Variants in TCF7L1 observed in about 807,000 individuals in gnomAD.
TCF7L1 encodes the protein transcription factor 7 like 1.
In TCF7L1, 18 loss-of-function variants were observed where a neutral mutation model predicts 63.7. The ratio of observed to expected loss-of-function variants is 0.28; its 90% CI spans 0.20 to 0.42. The LOEUF (loss-of-function observed/expected upper bound fraction) is 0.42. Ranked by LOEUF, TCF7L1 falls within the 10% of genes least tolerant of loss-of-function variation. The pLI is 1.00. For missense variants in TCF7L1, 654 were observed against 779.3 expected, an observed-to-expected ratio of 0.84 and a Z score of 1.91; for synonymous variants, 355 against 340.9, an observed-to-expected ratio of 1.04 and a Z score of -0.46.
At chr2:85,192,143 T>A (rs940825943) in intron 3 of TCF7L1, among the ~76,000 whole-genome samples, 6 of 152,214 alleles carry the variant, frequency 3.9e-5, no homozygotes, top group Non-Finnish European at 1.5e-5. Flanking sequence ...TGGTCTCCAT[T>A]CAGAGGTCTG....
intron 3 of TCF7L1, among the ~76,000 whole-genome samples, chr2:85,217,386 G>A (rs1679733684): frequency 6.6e-6 from 1 of 152,104 alleles, no homozygotes; most frequent in Non-Finnish European, 1.5e-5. Flanking sequence ...AATTTCCAAG[G>A]TCTTTGTTTA....
chr2:85,238,805 A>C (rs1325355959), intron 3 of TCF7L1, among the ~76,000 whole-genome samples: 1 of 149,424 alleles, frequency 6.7e-6, no homozygotes, highest in Non-Finnish European at 1.5e-5. Context: ...TTATTTATTT[A>C]TTTATTTATT....
chr2:85,247,298 A>G (rs1010381009), intron 3 of TCF7L1, among the ~76,000 whole-genome samples: 1 of 152,208 alleles, frequency 6.6e-6, no homozygotes, highest in African/African-American at 2.4e-5. Context: ...TATGCATCCT[A>G]TTTCAGAAGG....
At chr2:85,247,427 T>C (rs1680491873) in intron 3 of TCF7L1, among the ~76,000 whole-genome samples, 1 of 152,226 alleles carries the variant, frequency 6.6e-6, no homozygotes, top group African/African-American at 2.4e-5. Context: ...CAATCCCTTA[T>C]AAGAAGGAAT....
intron 3 of TCF7L1, among the ~76,000 whole-genome samples, chr2:85,194,232 G>A (rs972552244): frequency 2.6e-5 from 4 of 152,100 alleles, no homozygotes; most frequent in Admixed American, 6.6e-5. Context: ...GCATTGCCAA[G>A]TTGGAATTAC....
chr2:85,309,152 T>G lies in TCF7L1; in HGVS notation c.1457T>G (p.Leu486Trp), dbSNP rs1311922858. 1 of 1,613,042 alleles carries G rather than the reference T, an allele frequency of 6.2e-7. No individual in the cohort carries two copies. The highest frequency in any genetic ancestry group is 1.3e-5 in the African/African-American group (1 of 74,478). ...TCCCCGGCCACTCCCTCTGCAGCTTTGGCCTCACCAGCTGCCCCTGCTGCC... is the reference window on the plus strand; with the variant it reads ...TCCCCGGCCACTCCCTCTGCAGCTTGGGCCTCACCAGCTGCCCCTGCTGCC... ...LDSPATPSAA[L>W]ASPAAPAATH... The change falls in exon 12 of 12, where the codon TTG becomes TGG. Residue 486 changes from leucine to tryptophan, a missense_variant. Leu to Trp is a moderately conservative substitution (Grantham distance 61). Coordinates refer to ENST00000282111, the MANE Select transcript of TCF7L1 (RefSeq NM_031283.3).
Position 85,305,418 on chromosome 2 carries a change from G to C in TCF7L1, c.989+15G>C. The C allele has an allele frequency of 6.3e-7, 1 of 1,597,264 alleles. No homozygotes were observed. Among genetic ancestry groups the C allele is most frequent in the Non-Finnish European group, 8.5e-7 (1 of 1,171,106 alleles). ...GCAGTGAGCGTGTAAGTAAGCGGCAGCCTGGATTCAGGTGGGAGGGTGCAG... is the reference window on the plus strand; with the variant it reads ...GCAGTGAGCGTGTAAGTAAGCGGCACCCTGGATTCAGGTGGGAGGGTGCAG... On this transcript the variant is annotated intron_variant, in intron 8 of 11. Transcript: ENST00000282111.
chr2:85,199,116 C>A (rs1178624501), intron 3 of TCF7L1, among the ~76,000 whole-genome samples: 1 of 152,206 alleles, frequency 6.6e-6, no homozygotes, highest in Non-Finnish European at 1.5e-5. Flanking sequence ...GCTGCCTGTC[C>A]TACCACCTGT....
chr2:85,158,802 A>T lies in TCF7L1; in HGVS notation c.441+24352A>T, dbSNP rs191819177. ...CCTTGGTTGAAGGCCGGCCCTTTGG[A>T]GGTGGTCCAGGCCCTGTGGCCACAG... On this transcript the variant is annotated intron_variant, in intron 3 of 11. Transcript: ENST00000282111. 1.9e-3 allele frequency among the ~76,000 whole-genome samples: 294 copies of T among 152,306 alleles called. 5 individuals carry two copies. The highest frequency in any genetic ancestry group is 1.5e-3 in the East Asian group (8 of 5,174).
chr2:85,177,266 A>G (rs1678697592), intron 3 of TCF7L1, among the ~76,000 whole-genome samples: 1 of 152,162 alleles, frequency 6.6e-6, no homozygotes, highest in Non-Finnish European at 1.5e-5. Flanking sequence ...TTACCACCCA[A>G]AGGCCCCACC....
intron 3 of TCF7L1, among the ~76,000 whole-genome samples, chr2:85,159,406 G>A (rs910309903): frequency 6.6e-6 from 1 of 152,222 alleles, no homozygotes; most frequent in Non-Finnish European, 1.5e-5. Flanking sequence ...GGGACCAGTT[G>A]TGCAGGCACT....
chr2:85,304,938 G>A (rs1204695430), intron 7 of TCF7L1, among the ~76,000 whole-genome samples: 3 of 152,142 alleles, frequency 2.0e-5, no homozygotes, highest in Admixed American at 6.5e-5. Flanking sequence ...AACCTCTGAG[G>A]ACAGAGGAAA....
At chr2:85,230,229 A>T (rs1680046555) in intron 3 of TCF7L1, among the ~76,000 whole-genome samples, 1 of 152,174 alleles carries the variant, frequency 6.6e-6, no homozygotes. Context: ...CTTTACTCTC[A>T]TAAACAATAG....
At chr2:85,161,355 CCTAG>C (rs1678283226) in intron 3 of TCF7L1, among the ~76,000 whole-genome samples, 1 of 152,120 alleles carries the variant, frequency 6.6e-6, no homozygotes, top group Non-Finnish European at 1.5e-5. Flanking sequence ...AGTGATGGGC[CCTAG>C]CTAGAGGGGC....
At chr2:85,271,192 A>G (rs1347703942) in intron 3 of TCF7L1, among the ~76,000 whole-genome samples, 3 of 151,906 alleles carry the variant, frequency 2.0e-5, no homozygotes, top group Non-Finnish European at 2.9e-5. Flanking sequence ...AGCTCACTGC[A>G]ACTTCTGCCT....
chr2:85,228,048 A>G (rs72840170), intron 3 of TCF7L1, among the ~76,000 whole-genome samples: 4,296 of 150,424 alleles, frequency 0.029, 85 homozygotes, highest in Middle Eastern at 0.043. Context: ...TTGTTTGGGT[A>G]TTTGTTTTTC....
intron 3 of TCF7L1, among the ~76,000 whole-genome samples, chr2:85,185,926 G>A (rs751850112): frequency 1.3e-5 from 2 of 151,068 alleles, no homozygotes; most frequent in South Asian, 2.1e-4. Flanking sequence ...CAGGAGATAC[G>A]AGTTTACCTC....
chr2:85,152,864 ACT>A (rs1678051808), intron 3 of TCF7L1, among the ~76,000 whole-genome samples: 1 of 152,062 alleles, frequency 6.6e-6, no homozygotes, highest in South Asian at 2.1e-4. Flanking sequence ...CTTATATTTT[ACT>A]CTTTCAACAA....
In TCF7L1 at chr2:85,200,733, C is replaced by T. The variant is rs184855523; in HGVS notation, c.441+66283C>T. Among the ~76,000 whole-genome samples, 19 of 152,160 alleles carry T rather than the reference C, an allele frequency of 1.2e-4. No homozygotes were observed. In the East Asian group the frequency reaches 3.1e-3, roughly 25 times the overall value. ...AACACGATGAAAACTACATGAGAAC[C>T]GCAAGAGATCACTTTTTACTGGAAT... On this transcript the variant is annotated intron_variant, in intron 3 of 11. Coordinates refer to ENST00000282111, the MANE Select transcript of TCF7L1 (RefSeq NM_031283.3).
Sources: gnomAD v4.1 joint callset for allele counts (sites outside exome capture counted in the v4.1 genomes callset) on GRCh38, gnomAD v4.1.1 for gene constraint, MANE v1.5 for transcripts, NCBI Gene and HGNC (gene_info 2026-07-23, HGNC 2026-07-21) for gene names.